The following PCDHGB2 variants were observed in gnomAD, a reference collection of about 807,000 sequenced individuals.
PCDHGB2 encodes the protein protocadherin gamma subfamily B, 2.
A neutral mutation model predicts 59.3 loss-of-function variants in PCDHGB2; 55 were observed. The ratio of observed to expected loss-of-function variants is 0.93; its 90% confidence interval spans 0.75 to 1.16. The LOEUF (loss-of-function observed/expected upper bound fraction) is 1.16. Ranked by LOEUF, PCDHGB2 falls within the 50% of genes most tolerant of loss-of-function variation. The probability of loss-of-function intolerance (pLI) is 0.00; values close to 1 mark genes in which losing one functional copy is unlikely to be tolerated. For missense variants in PCDHGB2, 1,228 were observed against 1,198.5 expected (o/e 1.02, Z -0.36); for synonymous variants, 516 against 512.0 (o/e 1.01, Z -0.11).
intron 1 of PCDHGB2, chr5:141,366,358 C>T (rs746214325): frequency 6.2e-7 from 1 of 1,614,016 alleles, no homozygotes; most frequent in South Asian, 1.1e-5. Context: ...CTGACCTAGG[C>T]AGTATCAAGA....
At chr5:141,492,587 C>G (rs2154587748) in intron 1 of PCDHGB2, among the ~76,000 whole-genome samples, 1 of 152,314 alleles carries the variant, frequency 6.6e-6, no homozygotes, top group African/African-American at 2.4e-5. Flanking sequence ...GGGCCAGGAG[C>G]GCTGGAGCGA....
rs2099425622 is a variant in PCDHGB2, at chr5:141,477,947, T to C, written c.2422-16860T>C. Reference sequence around the variant, plus strand: ...CAATGCCTGGCTCTCCTACAGTCTCTTGGGATCCCCTAACCAGAGCCTTTT... The same window carrying C: ...CAATGCCTGGCTCTCCTACAGTCTCCTGGGATCCCCTAACCAGAGCCTTTT... On this transcript the variant is annotated intron_variant, in intron 1 of 3. Coordinates refer to ENST00000522605, the MANE Select transcript of PCDHGB2 (RefSeq NM_018923.3). The surrounding 1 kb of genome is among the most constrained non-coding windows in gnomAD (Gnocchi z 4.9). 1.9e-6 allele frequency: 3 copies of C among 1,614,132 alleles called. No homozygotes were observed. Among genetic ancestry groups the C allele is most frequent in the Non-Finnish European group, 2.5e-6 (3 of 1,180,018 alleles).
At chr5:141,483,122 A>G (rs1159736878) in intron 1 of PCDHGB2, among the ~76,000 whole-genome samples, 1 of 152,166 alleles carries the variant, frequency 6.6e-6, no homozygotes, top group Non-Finnish European at 1.5e-5. Context: ...CAGTCTTTGT[A>G]GGAGATGAGG....
At chr5:141,419,724 G>T in intron 1 of PCDHGB2, 1 of 1,613,488 alleles carries the variant, frequency 6.2e-7, no homozygotes, top group Non-Finnish European at 8.5e-7. Flanking sequence ...CTGGGGCTGC[G>T]AACAGGCGAG....
At chr5:141,510,626 AGGTG>A (rs2099882005) in intron 3 of PCDHGB2, among the ~76,000 whole-genome samples, 1 of 152,144 alleles carries the variant, frequency 6.6e-6, no homozygotes, top group Admixed American at 6.5e-5. Context: ...AAACCAGAAG[AGGTG>A]GTTACCATTA....
chr5:141,456,824 G>A (rs2098890304), intron 1 of PCDHGB2, among the ~76,000 whole-genome samples: 2 of 152,170 alleles, frequency 1.3e-5, no homozygotes, highest in South Asian at 2.1e-4. Context: ...ATTAGCCATC[G>A]TGGTAGTGGG....
chr5:141,444,594 T>C (rs2098442338), intron 1 of PCDHGB2, among the ~76,000 whole-genome samples: 1 of 152,244 alleles, frequency 6.6e-6, no homozygotes, highest in South Asian at 2.1e-4. Flanking sequence ...ACTTACCTTA[T>C]TTAAAATTGA....
chr5:141,390,215 A>G, intron 1 of PCDHGB2: 1 of 1,614,038 alleles, frequency 6.2e-7, no homozygotes. Flanking sequence ...GACAAGACAT[A>G]CTTTGCGGTG....
At chr5:141,419,022 G>A in intron 1 of PCDHGB2, 1 of 1,613,960 alleles carries the variant, frequency 6.2e-7, no homozygotes, top group Non-Finnish European at 8.5e-7. Flanking sequence ...AGCTTAAGTA[G>A]AGGTGTTCCA....
intron 1 of PCDHGB2, chr5:141,366,690 A>T: frequency 6.2e-7 from 1 of 1,614,252 alleles, no homozygotes; most frequent in Non-Finnish European, 8.5e-7. Context: ...AGCTGTGAGA[A>T]AAGCGAGCCT....
intron 2 of PCDHGB2, among the ~76,000 whole-genome samples, chr5:141,503,638 T>C (rs1467962880): frequency 1.3e-5 from 2 of 151,908 alleles, no homozygotes; most frequent in Non-Finnish European, 2.9e-5. Flanking sequence ...AAATAATTAT[T>C]GAATCAATGG....
intron 1 of PCDHGB2, among the ~76,000 whole-genome samples, chr5:141,474,588 A>G (rs2099351676): frequency 6.6e-6 from 1 of 152,258 alleles, no homozygotes; most frequent in Non-Finnish European, 1.5e-5. Context: ...TGTTAAAGAC[A>G]TGGAAATATA....
At chr5:141,451,352 A>G (rs2098714151) in intron 1 of PCDHGB2, among the ~76,000 whole-genome samples, 1 of 152,232 alleles carries the variant, frequency 6.6e-6, no homozygotes, top group Non-Finnish European at 1.5e-5. Flanking sequence ...AAGGGTCAAC[A>G]GAGGATGGAT....
rs186292704 is a variant in PCDHGB2 at position 141,490,783 on chromosome 5, C to T, written c.2422-4024C>T. ...TGTGTATGTCAACCCAGAGGATGGA[C>T]GGATCTTTGCCCAGCGTACCTTTGA... On this transcript the variant is annotated intron_variant, in intron 1 of 3. Transcript: ENST00000522605. The surrounding 1 kb of genome is among the most constrained non-coding windows in gnomAD (Gnocchi z 5.4). The T allele has an allele frequency of 8.1e-6, 13 of 1,614,024 alleles. 1 individual carries two copies. Among genetic ancestry groups the T allele is most frequent in the Middle Eastern group, 3.3e-4 (2 of 6,062 alleles).
chr5:141,491,311 A>G lies in PCDHGB2; in HGVS notation c.2422-3496A>G. On this transcript the variant is annotated intron_variant, in intron 1 of 3. Transcript: ENST00000522605. This position sits in a 1 kb window ranked among gnomAD's most constrained non-coding sequence, Gnocchi z 6.9. The stretch of plus-strand genomic sequence containing the variant: ...ACACCCTCCTGAGCGTTCAGACCTT[A>G]CCCTTTACCTCATTGTGGCTCTAGC... 1 of 1,613,932 alleles carries G rather than the reference A, an allele frequency of 6.2e-7. No homozygotes were observed. Among genetic ancestry groups the G allele is most frequent in the Non-Finnish European group, 8.5e-7 (1 of 1,179,940 alleles).
At chr5:141,435,413 A>G (rs1422263053) in intron 1 of PCDHGB2, among the ~76,000 whole-genome samples, 1 of 152,122 alleles carries the variant, frequency 6.6e-6, no homozygotes, top group Admixed American at 6.5e-5. Flanking sequence ...GGTAAAGACT[A>G]TTTTTCACTT....
rs754384717 is a variant in PCDHGB2 at position 141,385,373 on chromosome 5, T to C, written c.2421+22817T>C. The C allele has an allele frequency of 3.9e-6, 6 of 1,529,356 alleles. No individual in the cohort carries two copies. The East Asian group carries it at 1.4e-4, about 35-fold the overall frequency. 94.7% of individuals were successfully genotyped at this position (1,529,356 alleles called of 1,614,324 possible). ...CCATGAGGAATTTATTTGCATGATA[T>C]TTCTCTATTATTTTGCAAAACAAAT... On this transcript the variant is annotated intron_variant, in intron 1 of 3. Coordinates refer to ENST00000522605, the MANE Select transcript of PCDHGB2 (RefSeq NM_018923.3).
At chr5:141,400,014 C>T (rs2093941558) in intron 1 of PCDHGB2, 1 of 1,612,662 alleles carries the variant, frequency 6.2e-7, no homozygotes, top group Non-Finnish European at 8.5e-7. Flanking sequence ...GTGCCTTGGG[C>T]GACAGGGACG....
chr5:141,404,682 T>G lies in PCDHGB2; in HGVS notation c.2421+42126T>G, dbSNP rs766278950. 2.5e-6 allele frequency: 4 copies of G among 1,613,914 alleles called. No individual in the cohort carries two copies. Among genetic ancestry groups the G allele is most frequent in the Non-Finnish European group, 2.5e-6 (3 of 1,179,906 alleles). On this transcript the variant is annotated intron_variant, in intron 1 of 3. Coordinates refer to ENST00000522605, the MANE Select transcript of PCDHGB2 (RefSeq NM_018923.3). ...ACTGATGGTTCTACTGGTGTGGAGC[T>G]GGCACCCCGCTCTGCAGAGCCTGGC...
Sources: allele counts gnomAD v4.1 joint callset (sites outside exome capture counted in the v4.1 genomes callset), GRCh38; gene constraint gnomAD v4.1.1; non-coding constraint Gnocchi (gnomAD v3.1); transcripts MANE v1.5; gene names NCBI Gene and HGNC (gene_info 2026-07-23, HGNC 2026-07-21).